Variants in HDAC9 observed in about 807,000 individuals in gnomAD.
HDAC9 encodes MEF-2 interacting transcription repressor (MITR) protein.
Under a neutral mutation model 139.4 loss-of-function variants are expected in HDAC9, and 41 were observed. That is an observed-to-expected ratio of 0.29 (90% CI 0.23 to 0.38). The LOEUF is 0.38. Ranked by LOEUF, HDAC9 falls within the 10% of genes least tolerant of loss-of-function variation. The pLI, the probability that HDAC9 is intolerant of heterozygous loss-of-function variation, is 1.00. For missense variants in HDAC9, 1,147 were observed against 1,297.0 expected, an observed-to-expected ratio of 0.88 and a Z score of 1.78; for synonymous variants, 517 against 476.2, an observed-to-expected ratio of 1.09 and a Z score of -1.12.
intron 1 of HDAC9, among the ~76,000 whole-genome samples, chr7:18,379,435 T>A (rs1585486211): frequency 6.6e-6 from 1 of 152,164 alleles, no homozygotes; most frequent in East Asian, 1.9e-4. Context: ...TTCAGGGAAA[T>A]CAATACTAGT....
intron 11 of HDAC9, among the ~76,000 whole-genome samples, chr7:18,664,471 A>G (rs996059441): frequency 6.6e-6 from 1 of 152,096 alleles, no homozygotes; most frequent in East Asian, 1.9e-4. Context: ...TATATTATAA[A>G]TTGTATCATC....
intron 6 of HDAC9, among the ~76,000 whole-genome samples, chr7:18,611,645 A>G (rs1307911376): frequency 1.3e-5 from 2 of 152,076 alleles, no homozygotes; most frequent in African/African-American, 2.4e-5. Flanking sequence ...TTATTCTTTG[A>G]ACACGAATAA....
intron 1 of HDAC9, among the ~76,000 whole-genome samples, chr7:18,487,716 G>C (rs772953875): frequency 2.6e-5 from 4 of 152,044 alleles, no homozygotes; most frequent in Non-Finnish European, 4.4e-5. Flanking sequence ...TATGAAGTCA[G>C]AATTGAATTG....
chr7:18,339,116 A>G (rs1440895920), intron 1 of HDAC9, among the ~76,000 whole-genome samples: 3 of 151,390 alleles, frequency 2.0e-5, no homozygotes, highest in Non-Finnish European at 4.4e-5. Flanking sequence ...CATTATTTCC[A>G]TTCCTAATAT....
chr7:18,851,430 C>G (rs949071342), intron 21 of HDAC9: 4 of 152,496 alleles, frequency 2.6e-5, no homozygotes, highest in Admixed American at 6.5e-5. Context: ...TGCCTTGCTT[C>G]TCCTTCGCGT....
chr7:18,389,328 G>A (rs12154772), intron 1 of HDAC9, among the ~76,000 whole-genome samples: 6,617 of 152,216 alleles, frequency 0.043, 193 homozygotes, highest in Non-Finnish European at 0.059. Flanking sequence ...TCTCATTCAC[G>A]TAAGAGTCCT....
intron 2 of HDAC9, among the ~76,000 whole-genome samples, chr7:18,184,017 C>T (rs138223216): frequency 3.0e-4 from 45 of 152,238 alleles, no homozygotes; most frequent in African/African-American, 9.2e-4. Context: ...CCTGTTATTG[C>T]ATGTTGAGTA....
chr7:18,782,811 C>T (rs530143376), intron 16 of HDAC9, among the ~76,000 whole-genome samples: 3 of 151,998 alleles, frequency 2.0e-5, no homozygotes, highest in African/African-American at 7.2e-5. Flanking sequence ...AACAATAATC[C>T]TATGAGGAAG....
At chr7:18,210,950 A>G (rs1791896901) in intron 2 of HDAC9, among the ~76,000 whole-genome samples, 2 of 152,126 alleles carry the variant, frequency 1.3e-5, no homozygotes, top group African/African-American at 2.4e-5. Context: ...AGGGTAGGAC[A>G]TTTTTGTACA....
At chr7:18,214,228 C>G (rs1792138446) in intron 2 of HDAC9, among the ~76,000 whole-genome samples, 1 of 151,826 alleles carries the variant, frequency 6.6e-6, no homozygotes, top group African/African-American at 2.4e-5. Flanking sequence ...GATGATTATT[C>G]AACATCATAC....
chr7:18,996,124 G>C lies in HDAC9; in HGVS notation c.*62G>C. The C allele has an allele frequency of 7.9e-7, 1 of 1,259,500 alleles. No homozygotes were observed. The highest frequency in any genetic ancestry group is 1.1e-6 in the Non-Finnish European group (1 of 878,234). 78.0% of individuals were successfully genotyped at this position (1,259,500 alleles called of 1,614,324 possible). On this transcript the variant is annotated 3_prime_UTR_variant, in exon 26 of 26. Coordinates refer to ENST00000686413, the MANE Select transcript of HDAC9 (RefSeq NM_178425.4). ...CATCATTGTGTATCCCCCCACCCCA[G>C]TACCCTCAGACATGTCTTGTCTGCT...
chr7:18,683,696 G>A (rs1226635617), intron 12 of HDAC9, among the ~76,000 whole-genome samples: 1 of 152,038 alleles, frequency 6.6e-6, no homozygotes, highest in Non-Finnish European at 1.5e-5. Context: ...GTGAGCTGTT[G>A]TATTTTTTCA....
intron 21 of HDAC9, among the ~76,000 whole-genome samples, chr7:18,871,507 A>G (rs1003433760): frequency 2.0e-5 from 3 of 152,204 alleles, no homozygotes; most frequent in Non-Finnish European, 4.4e-5. Context: ...TCTATTATAT[A>G]TTAAGAACCA....
At chr7:18,661,697 A>G (rs985321014) in intron 11 of HDAC9, among the ~76,000 whole-genome samples, 1 of 152,130 alleles carries the variant, frequency 6.6e-6, no homozygotes, top group Non-Finnish European at 1.5e-5. Flanking sequence ...ACTGTTTTAT[A>G]TCAAGAAACA....
intron 12 of HDAC9, among the ~76,000 whole-genome samples, chr7:18,726,913 G>A (rs957869953): frequency 2.6e-5 from 4 of 151,936 alleles, no homozygotes; most frequent in Non-Finnish European, 5.9e-5. Flanking sequence ...TCACTGATTC[G>A]GTAAGTTGGG....
intron 17 of HDAC9, among the ~76,000 whole-genome samples, chr7:18,826,025 G>A (rs1434470464): frequency 6.6e-6 from 1 of 152,000 alleles, no homozygotes; most frequent in Non-Finnish European, 1.5e-5. Context: ...TTTTATAAGG[G>A]ATGGTAGAAA....
chr7:18,114,282 A>G (rs1047193430), intron 1 of HDAC9, among the ~76,000 whole-genome samples: 2 of 152,236 alleles, frequency 1.3e-5, no homozygotes, highest in Non-Finnish European at 2.9e-5. Flanking sequence ...CCTTAGCGGA[A>G]TTCTTCTTAG....
chr7:18,939,755 C>G (rs1385281028), intron 23 of HDAC9, among the ~76,000 whole-genome samples: 1 of 152,146 alleles, frequency 6.6e-6, no homozygotes, highest in Non-Finnish European at 1.5e-5. Context: ...TTTCAAATCC[C>G]AGTTTCCCTC....
chr7:18,329,844 C>T (rs1236103965), intron 1 of HDAC9, among the ~76,000 whole-genome samples: 1 of 151,686 alleles, frequency 6.6e-6, no homozygotes, highest in African/African-American at 2.4e-5. Flanking sequence ...GTGCCTGGCC[C>T]CCAGAAGTAC....
Sources: allele counts gnomAD v4.1 joint callset (sites outside exome capture counted in the v4.1 genomes callset), GRCh38; gene constraint gnomAD v4.1.1; transcripts MANE v1.5; gene names NCBI Gene and HGNC (gene_info 2026-07-23, HGNC 2026-07-21).